The following RAD54L2 variants were observed in gnomAD, a reference collection of about 807,000 sequenced individuals.
The protein encoded by RAD54L2 is RAD54 like 2.
Under a neutral mutation model 138.4 loss-of-function variants are expected in RAD54L2, and 27 were observed. The ratio of observed to expected loss-of-function variants is 0.20; its 90% CI spans 0.14 to 0.27. The LOEUF (loss-of-function observed/expected upper bound fraction) is 0.27, where lower values mean the gene tolerates loss of function less well. RAD54L2 is among the 10% of genes least tolerant of loss of function. The pLI is 1.00. For synonymous variants in RAD54L2, 644 were observed against 723.2 expected (o/e 0.89, Z 1.76); for missense variants, 1,396 against 1,890.2 (o/e 0.74, Z 4.85).
intron 6 of RAD54L2, 34 bp downstream of exon 6, chr3:51,630,422 ACCTGGTGTT>A (rs1328141885): frequency 1.3e-6 from 2 of 1,565,634 alleles, no homozygotes; most frequent in African/African-American, 2.7e-5. Context: ...CTTTCTTCCG[ACCTGGTGTT>A]CATGCTGAGA....
intron 6 of RAD54L2, 68 bp from the exon 7 acceptor site, chr3:51,630,637 T>C: frequency 1.5e-6 from 2 of 1,316,714 alleles, no homozygotes; most frequent in Non-Finnish European, 2.1e-6. Flanking sequence ...AGTCTTCTGC[T>C]CTGACTGTGT....
At chr3:51,594,570 C>T (rs555800759) in intron 3 of RAD54L2, among the ~76,000 whole-genome samples, 12 of 152,100 alleles carry the variant, frequency 7.9e-5, no homozygotes, top group Non-Finnish European at 1.2e-4. Context: ...TTCTTATAAT[C>T]GCCTTTCCTG....
At chr3:51,624,304 A>T (rs913044390) in intron 3 of RAD54L2, among the ~76,000 whole-genome samples, 11 of 146,252 alleles carry the variant, frequency 7.5e-5, no homozygotes, top group Admixed American at 7.1e-4. Context: ...TGGCGTGGTC[A>T]TGGCTCACTG....
chr3:51,659,005 G>A (rs1701681994), intron 21 of RAD54L2, among the ~76,000 whole-genome samples: 1 of 151,564 alleles, frequency 6.6e-6, no homozygotes, highest in African/African-American at 2.4e-5. Context: ...GTACAGTCAT[G>A]CCACGCTATT....
At chr3:51,634,424 C>T (rs1700932277) in intron 9 of RAD54L2, among the ~76,000 whole-genome samples, 1 of 127,728 alleles carries the variant, frequency 7.8e-6, no homozygotes. Context: ...GGCTGGAGTG[C>T]AGTGGTGCAA....
rs770875292 is a variant in RAD54L2 at position 51,645,132 on chromosome 3, T to C, written c.2559T>C (p.Tyr853=). ...AGGCAGTATGTCGGGTATACCGTTA[T>C]GGCCAGAAAAAGCCCTGTTACATCT... ...DAQAVCRVYR[Y]GQKKPCYIYR... Residue 853 remains tyrosine, a synonymous_variant, in exon 17 of 23, where the codon TAT becomes TAC. Transcript: ENST00000684192. This position sits in a 1 kb window ranked among gnomAD's most constrained non-coding sequence, Gnocchi z 6.1. 1.6e-5 allele frequency: 26 copies of C among 1,613,912 alleles called. No homozygotes were observed. The highest frequency in any genetic ancestry group is 1.9e-5 in the Non-Finnish European group (22 of 1,179,910).
chr3:51,658,813 G>A (rs1701674490), intron 21 of RAD54L2, among the ~76,000 whole-genome samples: 1 of 152,098 alleles, frequency 6.6e-6, no homozygotes, highest in Admixed American at 6.6e-5. Flanking sequence ...CTAGTTTATA[G>A]CTGGGGTCAC....
At chr3:51,542,706 G>A (rs1483065745) in intron 2 of RAD54L2, among the ~76,000 whole-genome samples, 5 of 152,082 alleles carry the variant, frequency 3.3e-5, no homozygotes, top group Admixed American at 6.5e-5. Flanking sequence ...CTCGTGATCC[G>A]CCCGTCTTGG....
chr3:51,648,472 C>T (rs1012736216), intron 19 of RAD54L2, among the ~76,000 whole-genome samples: 2 of 152,222 alleles, frequency 1.3e-5, no homozygotes, highest in Non-Finnish European at 2.9e-5. Flanking sequence ...AGTTTGAGCT[C>T]TGAGAATGGA....
chr3:51,657,470 G>A (rs952898326), intron 20 of RAD54L2, 110 bp from the exon 21 acceptor site: 1 of 667,600 alleles, frequency 1.5e-6, no homozygotes, highest in Admixed American at 2.2e-5. Context: ...CCACTGAGAG[G>A]CTGTAGGGAA....
At chr3:51,604,988 C>T (rs1448456098) in intron 3 of RAD54L2, among the ~76,000 whole-genome samples, 3 of 151,888 alleles carry the variant, frequency 2.0e-5, no homozygotes, top group African/African-American at 7.3e-5. Flanking sequence ...GTGGCGTGAT[C>T]TCGGCCCACT....
chr3:51,657,474 T>C (rs2106848831), intron 20 of RAD54L2, 106 bp from the exon 21 acceptor site: 2 of 692,848 alleles, frequency 2.9e-6, no homozygotes, highest in Middle Eastern at 4.9e-4. Flanking sequence ...TGAGAGGCTG[T>C]AGGGAAACCA....
rs1701074003 is a variant in RAD54L2 at position 51,639,569 on chromosome 3, T to G, written c.2011T>G (p.Leu671Val). 1 of 1,613,900 alleles carries G rather than the reference T, an allele frequency of 6.2e-7. No homozygotes were observed. Among genetic ancestry groups the G allele is most frequent in the Non-Finnish European group, 8.5e-7 (1 of 1,179,916 alleles). ...AAAAGGCAAGGGAGAGGATAGCACC[T>G]TGGCTTCCTCGATGGGAGAGGCAAC... ...GTKGKGEDST[L>V]ASSMGEATNS... The change falls in exon 13 of 23, where the codon TTG becomes GTG. Residue 671 changes from leucine to valine, a missense_variant. Leu to Val is a conservative substitution (Grantham distance 32). Coordinates refer to ENST00000684192, the MANE Select transcript of RAD54L2 (RefSeq NM_015106.4).
intron 2 of RAD54L2, among the ~76,000 whole-genome samples, chr3:51,571,706 A>G (rs184788507): frequency 2.0e-5 from 3 of 152,222 alleles, no homozygotes; most frequent in East Asian, 3.9e-4. Flanking sequence ...TGGGACATGC[A>G]TAGTCGGTTA....
intron 2 of RAD54L2, among the ~76,000 whole-genome samples, chr3:51,565,114 T>C (rs1699184538): frequency 6.6e-6 from 1 of 152,194 alleles, no homozygotes; most frequent in Non-Finnish European, 1.5e-5. Context: ...CCTGCATGAG[T>C]TGCTAGAATG....
At chr3:51,625,310 C>T (rs1037540023) in intron 3 of RAD54L2, among the ~76,000 whole-genome samples, 2 of 151,896 alleles carry the variant, frequency 1.3e-5, no homozygotes, top group African/African-American at 4.8e-5. Flanking sequence ...CCCAGCTACT[C>T]GGGAGGCTGA....
chr3:51,589,699 C>T (rs1577407160), intron 2 of RAD54L2, among the ~76,000 whole-genome samples: 1 of 151,612 alleles, frequency 6.6e-6, no homozygotes, highest in Non-Finnish European at 1.5e-5. Flanking sequence ...CACACACACA[C>T]ACACACACAT....
At chr3:51,564,635 G>C (rs1015585781) in intron 2 of RAD54L2, among the ~76,000 whole-genome samples, 1 of 152,248 alleles carries the variant, frequency 6.6e-6, no homozygotes, top group African/African-American at 2.4e-5. Flanking sequence ...CACTGGCTCA[G>C]GCCAGGTGCA....
chr3:51,575,093 T>A (rs1052882412), intron 2 of RAD54L2, among the ~76,000 whole-genome samples: 5 of 152,240 alleles, frequency 3.3e-5, no homozygotes, highest in African/African-American at 1.2e-4. Flanking sequence ...GCACCATTTA[T>A]TAAATAGGGA....
Sources: gnomAD v4.1 joint callset for allele counts (sites outside exome capture counted in the v4.1 genomes callset) on GRCh38, gnomAD v4.1.1 for gene constraint, Gnocchi (gnomAD v3.1) non-coding constraint, MANE v1.5 for transcripts, NCBI Gene and HGNC (gene_info 2026-07-23, HGNC 2026-07-21) for gene names.